Variants in EML6 observed in about 807,000 individuals in gnomAD.
EML6 encodes the protein echinoderm microtubule-associated protein-like 6.
EML6 carries 154 observed loss-of-function variants against 240.1 expected under a neutral mutation model. The ratio of observed to expected loss-of-function variants is 0.64; its 90% confidence interval spans 0.56 to 0.73. EML6 has a LOEUF of 0.73. Ranked by LOEUF, EML6 falls within the 30% of genes least tolerant of loss-of-function variation. The pLI, the probability that EML6 is intolerant of heterozygous loss-of-function variation, is 0.00. For synonymous variants in EML6, 1,148 were observed against 899.0 expected, an observed-to-expected ratio of 1.28 and a Z score of -4.95; for missense variants, 2,964 against 2,474.6, an observed-to-expected ratio of 1.20 and a Z score of -4.20.
In EML6 at chr2:54,859,808, A is replaced by G. The variant is rs1670580644; in HGVS notation, c.1825+107A>G. ...TAAAGGATTTAAGCAATTTTGGAAA[A>G]TTGATTCCTGTAATCTTAAAATTTT... On this transcript the variant is annotated intron_variant, in intron 12 of 41. Coordinates refer to ENST00000356458, the MANE Select transcript of EML6 (RefSeq NM_001039753.4). 5.6e-6 allele frequency: 5 copies of G among 886,978 alleles called. No individual in the cohort carries two copies. The East Asian group carries it at 1.5e-4, about 27-fold the overall frequency. 54.9% of individuals were successfully genotyped at this position (886,978 alleles called of 1,614,324 possible).
chr2:54,829,606 A>G (rs1668766173), intron 7 of EML6, 129 bp downstream of exon 7: 4 of 644,048 alleles, frequency 6.2e-6, no homozygotes, highest in African/African-American at 1.8e-5. Context: ...ATACAAGCAA[A>G]AGTATGTTAA....
At chr2:54,865,680 G>T (rs576945410) in intron 13 of EML6, among the ~76,000 whole-genome samples, 1 of 152,218 alleles carries the variant, frequency 6.6e-6, no homozygotes, top group Admixed American at 6.5e-5. Flanking sequence ...AATATTCCAA[G>T]ATCTGAAAAA....
At chr2:54,946,986 T>C (rs531227151) in intron 28 of EML6, among the ~76,000 whole-genome samples, 47 of 152,190 alleles carry the variant, frequency 3.1e-4, no homozygotes, top group African/African-American at 1.1e-3. Flanking sequence ...TATATATAAA[T>C]ACACGGTGTT....
intron 24 of EML6, among the ~76,000 whole-genome samples, chr2:54,907,622 C>T (rs754708320): frequency 1.3e-5 from 2 of 152,176 alleles, no homozygotes; most frequent in African/African-American, 4.8e-5. Flanking sequence ...ATTATTCTAA[C>T]TTGTAAATTA....
intron 17 of EML6, chr2:54,882,444 T>A (rs1380482070): frequency 6.6e-6 from 1 of 152,120 alleles, no homozygotes; most frequent in Non-Finnish European, 1.5e-5. Flanking sequence ...CTCCTTTATT[T>A]GTGCTTGTGT....
intron 28 of EML6, among the ~76,000 whole-genome samples, chr2:54,930,266 A>T (rs1038143568): frequency 6.6e-6 from 1 of 152,166 alleles, no homozygotes; most frequent in African/African-American, 2.4e-5. Flanking sequence ...CAAGCTCCAA[A>T]TTCCAAACAC....
At chr2:54,967,997 C>T (rs913965372) in intron 39 of EML6, 131 bp from the exon 40 acceptor site, 38 of 834,248 alleles carry the variant, frequency 4.6e-5, no homozygotes, top group Middle Eastern at 7.1e-4. Flanking sequence ...AGTACCGTTC[C>T]GTGGCCTGGC....
intron 2 of EML6, among the ~76,000 whole-genome samples, chr2:54,732,362 A>G (rs1683213559): frequency 6.6e-6 from 1 of 152,108 alleles, no homozygotes; most frequent in African/African-American, 2.4e-5. Flanking sequence ...CTAGGCAACC[A>G]TCACCTAATC....
chr2:54,963,862 A>C, intron 36 of EML6, 124 bp from the exon 37 acceptor site: 101 of 774,250 alleles, frequency 1.3e-4, no homozygotes, highest in Middle Eastern at 3.8e-4. Flanking sequence ...CTAAGAAGCA[A>C]GAGATTTGGT....
At chr2:54,733,020 G>C (rs945119943) in intron 2 of EML6, among the ~76,000 whole-genome samples, 2 of 152,338 alleles carry the variant, frequency 1.3e-5, no homozygotes, top group African/African-American at 4.8e-5. Context: ...TCTTTTATCA[G>C]TTCATTCCTT....
intron 17 of EML6, among the ~76,000 whole-genome samples, chr2:54,885,261 A>G (rs1453005886): frequency 6.6e-6 from 1 of 152,030 alleles, no homozygotes; most frequent in Admixed American, 6.6e-5. Flanking sequence ...CCTGACCAAC[A>G]TGGTAAAACC....
chr2:54,811,828 T>A (rs774441977), intron 2 of EML6, among the ~76,000 whole-genome samples: 2 of 152,224 alleles, frequency 1.3e-5, no homozygotes, highest in Non-Finnish European at 2.9e-5. Context: ...TTCTTATTGA[T>A]AATCTCTCAC....
At chr2:54,862,644 G>C (rs559250586) in intron 12 of EML6, among the ~76,000 whole-genome samples, 141 of 152,204 alleles carry the variant, frequency 9.3e-4, no homozygotes, top group African/African-American at 3.2e-3. Flanking sequence ...GCCTAGGAAA[G>C]AAAATAAAGC....
At position 54,853,653 on chromosome 2, in the gene EML6, T is replaced by C; in HGVS notation, c.1455T>C (p.Pro485=). The change falls in exon 11 of 42, where the codon CCT becomes CCC. Residue 485 remains proline (P), a synonymous_variant. Coordinates refer to ENST00000356458, the MANE Select transcript of EML6 (RefSeq NM_001039753.4). ...ATTGATTATTTTCAGCTGGGAAGCC[T>C]TTAACAAGTAAAGAAGAAATTAAAG... ...RLFYRMPSGK[P]LTSKEEIKGI... 6.5e-7 allele frequency: 1 copy of C among 1,542,804 alleles called. No homozygotes were observed. The highest frequency in any genetic ancestry group is 8.8e-7 in the Non-Finnish European group (1 of 1,141,774).
intron 25 of EML6, among the ~76,000 whole-genome samples, chr2:54,914,782 A>G (rs903832902): frequency 1.4e-5 from 2 of 147,140 alleles, no homozygotes; most frequent in Non-Finnish European, 1.5e-5. Flanking sequence ...TTTTCAAAGA[A>G]GCAATTTTTT....
At chr2:54,730,927 A>G (rs1683130927) in intron 2 of EML6, among the ~76,000 whole-genome samples, 1 of 152,224 alleles carries the variant, frequency 6.6e-6, no homozygotes, top group South Asian at 2.1e-4. Flanking sequence ...GGACGCCAAC[A>G]GTGAATGGAC....
At chr2:54,846,567 T>A (rs1013147570) in intron 8 of EML6, among the ~76,000 whole-genome samples, 3 of 151,568 alleles carry the variant, frequency 2.0e-5, no homozygotes, top group African/African-American at 7.3e-5. Context: ...AACTGCAACC[T>A]TGAACTCCTA....
At chr2:54,944,064 G>A (rs1431658515) in intron 28 of EML6, among the ~76,000 whole-genome samples, 2 of 151,942 alleles carry the variant, frequency 1.3e-5, no homozygotes, top group Non-Finnish European at 2.9e-5. Context: ...ACATGCTGTT[G>A]GTCCTCAGGA....
chr2:54,782,562 G>A (rs564327384), intron 2 of EML6, among the ~76,000 whole-genome samples: 230 of 151,960 alleles, frequency 1.5e-3, no homozygotes, highest in Middle Eastern at 0.014. Flanking sequence ...CTGATTATCT[G>A]TTACTTTGTT....
Sources: allele counts gnomAD v4.1 joint callset (sites outside exome capture counted in the v4.1 genomes callset), GRCh38; gene constraint gnomAD v4.1.1; transcripts MANE v1.5; gene names NCBI Gene and HGNC (gene_info 2026-07-23, HGNC 2026-07-21).